Variants in CCDC102B observed in about 807,000 individuals in gnomAD.
CCDC102B encodes the protein coiled-coil domain-containing protein 102B.
Under a neutral mutation model 57.4 loss-of-function variants are expected in CCDC102B, and 75 were observed. That is an observed-to-expected ratio of 1.31 (90% confidence interval 1.08 to 1.58). The LOEUF (loss-of-function observed/expected upper bound fraction) is 1.58. CCDC102B is among the 40% of genes most tolerant of loss of function. CCDC102B has a pLI of 0.00. For synonymous variants in CCDC102B, 206 were observed against 201.9 expected, an observed-to-expected ratio of 1.02 and a Z score of -0.17; for missense variants, 636 against 582.6, an observed-to-expected ratio of 1.09 and a Z score of -0.94.
chr18:68,938,084 T>C (rs1023772332), intron 6 of CCDC102B, among the ~76,000 whole-genome samples: 1 of 152,052 alleles, frequency 6.6e-6, no homozygotes, highest in Admixed American at 6.6e-5. Context: ...TCAATATTCA[T>C]GCAGAAAAAA....
chr18:68,986,666 A>G lies in CCDC102B; in HGVS notation c.1264-24268A>G, dbSNP rs555574153. On this transcript the variant is annotated intron_variant, in intron 6 of 7. Coordinates refer to ENST00000360242, the MANE Select transcript of CCDC102B (RefSeq NM_024781.3). Reference sequence around the variant, plus strand: ...TATGATTCTATGTCCAGAAATCCCTAAAGATACCACCAAAAGTCTCCTAGA... The same window carrying G: ...TATGATTCTATGTCCAGAAATCCCTGAAGATACCACCAAAAGTCTCCTAGA... Among the ~76,000 whole-genome samples, 9 of 152,064 alleles carry G rather than the reference A, an allele frequency of 5.9e-5. No homozygotes were observed. In the East Asian group the frequency reaches 1.7e-3, roughly 29 times the overall value.
intron 6 of CCDC102B, among the ~76,000 whole-genome samples, chr18:68,934,661 T>TA (rs1030735538): frequency 8.6e-5 from 13 of 151,782 alleles, no homozygotes; most frequent in African/African-American, 3.1e-4. Flanking sequence ...GGAAAAACTG[T>TA]AAAAAAAAGT....
intron 6 of CCDC102B, among the ~76,000 whole-genome samples, chr18:68,988,202 C>G (rs2050772188): frequency 6.6e-6 from 1 of 151,816 alleles, no homozygotes; most frequent in Non-Finnish European, 1.5e-5. Flanking sequence ...TCATGGAATA[C>G]TATGCAGCCA....
Position 68,763,464 on chromosome 18 carries a change from T to C in CCDC102B, c.-67+46870T>C, listed in dbSNP as rs569997831. On this transcript the variant is annotated intron_variant, in intron 2 of 3. Coordinates refer to the CCDC102B transcript ENST00000578970. ...ATATTTAGAATATTGGCAGAAAGAG[T>C]CTTTGTATTCTAACAATGTAAAAAA... Among the ~76,000 whole-genome samples the C allele has an allele frequency of 2.6e-5, 4 of 151,684 alleles. No individual in the cohort carries two copies. In the East Asian group the frequency reaches 7.8e-4, roughly 29 times the overall value.
chr18:68,966,664 T>C (rs2050172300), intron 6 of CCDC102B, among the ~76,000 whole-genome samples: 1 of 152,116 alleles, frequency 6.6e-6, no homozygotes, highest in Non-Finnish European at 1.5e-5. Flanking sequence ...TCATTGTTAA[T>C]GTTTGTAGTG....
chr18:68,935,422 G>A (rs115518324), intron 6 of CCDC102B, among the ~76,000 whole-genome samples: 2 of 152,098 alleles, frequency 1.3e-5, no homozygotes, highest in Admixed American at 6.6e-5. Context: ...GTATTTTGGA[G>A]AGAGGATTAA....
chr18:68,868,849 G>A (rs1485370932), intron 4 of CCDC102B, among the ~76,000 whole-genome samples: 1 of 152,118 alleles, frequency 6.6e-6, no homozygotes, highest in Non-Finnish European at 1.5e-5. Flanking sequence ...AGCATGATGA[G>A]GAAACTGTTA....
chr18:68,967,121 C>T (rs2050183998), intron 6 of CCDC102B, among the ~76,000 whole-genome samples: 1 of 152,116 alleles, frequency 6.6e-6, no homozygotes, highest in Non-Finnish European at 1.5e-5. Context: ...ACCAGGTTTA[C>T]TTCTGAACAA....
At chr18:69,050,032 A>T (rs2052665459) in intron 7 of CCDC102B, among the ~76,000 whole-genome samples, 1 of 147,728 alleles carries the variant, frequency 6.8e-6, no homozygotes, top group South Asian at 2.2e-4. Context: ...CTAGTCTGGA[A>T]CTCCTCACTC....
At chr18:68,933,318 T>G (rs1005183541) in intron 6 of CCDC102B, among the ~76,000 whole-genome samples, 2 of 151,942 alleles carry the variant, frequency 1.3e-5, no homozygotes, top group Non-Finnish European at 2.9e-5. Context: ...TTTTGCTATT[T>G]TTTTCACAAC....
At chr18:68,805,110 T>C (rs2035986653) in intron 1 of CCDC102B, among the ~76,000 whole-genome samples, 1 of 152,142 alleles carries the variant, frequency 6.6e-6, no homozygotes. Context: ...CACATAGATA[T>C]GATGGAACCA....
Position 69,032,895 on chromosome 18 carries a change from GA to G in CCDC102B, c.1435-21126del, listed in dbSNP as rs1002541687. Among the ~76,000 whole-genome samples the G allele has an allele frequency of 8.6e-5, 13 of 150,732 alleles. No individual in the cohort carries two copies. In the South Asian group the frequency reaches 1.7e-3, roughly 19 times the overall value. On this transcript the variant is annotated intron_variant, in intron 7 of 7. Coordinates refer to ENST00000360242, the MANE Select transcript of CCDC102B (RefSeq NM_024781.3). ...TTAATTTATTTAGCAGACAAGAGAA[GA>G]AAAAAAAACTCTGAGCTGCAATAAA... is the stretch of plus-strand genomic sequence containing the variant.
chr18:68,792,298 C>T (rs749765871), intron 2 of CCDC102B, among the ~76,000 whole-genome samples: 2 of 152,156 alleles, frequency 1.3e-5, no homozygotes, highest in Non-Finnish European at 2.9e-5. Flanking sequence ...GATAATTTCA[C>T]AGTTTTTATT....
At chr18:68,876,453 T>C (rs1190561208) in intron 5 of CCDC102B, among the ~76,000 whole-genome samples, 1 of 152,190 alleles carries the variant, frequency 6.6e-6, no homozygotes, top group African/African-American at 2.4e-5. Flanking sequence ...TTTACTGACA[T>C]AGTTAAATAG....
chr18:68,819,026 G>C (rs977409), intron 1 of CCDC102B, among the ~76,000 whole-genome samples: 65,637 of 151,902 alleles, frequency 0.43, 15,481 homozygotes, highest in East Asian at 0.86. Flanking sequence ...ATATATGCAC[G>C]CTTAATGCAT....
In CCDC102B at chr18:68,750,317, A is replaced by C. The variant is rs371150815; in HGVS notation, c.-67+33723A>C. 3.3e-5 allele frequency among the ~76,000 whole-genome samples: 5 copies of C among 152,318 alleles called. No homozygotes were observed. In the East Asian group the frequency reaches 9.7e-4, roughly 29 times the overall value. The stretch of plus-strand genomic sequence containing the variant: ...AACAGGTGCTGGAGAGGATGTGGAG[A>C]AATAGGAACACTTTTACACTGTTGG... On this transcript the variant is annotated intron_variant, in intron 2 of 3. Transcript: ENST00000578970.
At chr18:68,978,896 A>G (rs1371156079) in intron 6 of CCDC102B, among the ~76,000 whole-genome samples, 2 of 152,112 alleles carry the variant, frequency 1.3e-5, no homozygotes, top group Non-Finnish European at 2.9e-5. Context: ...AAAGCTATAG[A>G]GAAATGATAG....
chr18:68,751,234 A>C (rs1239321167), intron 2 of CCDC102B, among the ~76,000 whole-genome samples: 1 of 152,158 alleles, frequency 6.6e-6, no homozygotes, highest in African/African-American at 2.4e-5. Context: ...GAGAAGTAAA[A>C]AGTTCCTGTG....
At chr18:68,992,230 C>T (rs1253206203) in intron 6 of CCDC102B, among the ~76,000 whole-genome samples, 1 of 152,070 alleles carries the variant, frequency 6.6e-6, no homozygotes, top group Non-Finnish European at 1.5e-5. Flanking sequence ...TAGAATAGGG[C>T]CCTGAGTACT....
Sources: allele counts gnomAD v4.1 joint callset (sites outside exome capture counted in the v4.1 genomes callset), GRCh38; gene constraint gnomAD v4.1.1; transcripts MANE v1.5; gene names NCBI Gene and HGNC (gene_info 2026-07-23, HGNC 2026-07-21).